CIBAR1: variants seen among roughly 807,000 people sequenced by gnomAD.
The protein encoded by CIBAR1 is CBY1-interacting BAR domain-containing protein 1.
Under a neutral mutation model 44.0 loss-of-function variants are expected in CIBAR1, and 25 were observed. The observed-to-expected ratio is 0.57, with a 90% CI of 0.41 to 0.79. The LOEUF (loss-of-function observed/expected upper bound fraction) is 0.79. Ranked by LOEUF, CIBAR1 falls within the 30% of genes least tolerant of loss-of-function variation. The probability of loss-of-function intolerance (pLI) is 0.00; values close to 1 mark genes in which losing one functional copy is unlikely to be tolerated. For missense variants in CIBAR1, 278 were observed against 344.8 expected, an observed-to-expected ratio of 0.81 and a Z score of 1.53; for synonymous variants, 115 against 119.0, an observed-to-expected ratio of 0.97 and a Z score of 0.22.
intron 2 of CIBAR1, among the ~76,000 whole-genome samples, chr8:93,703,022 G>A (rs889857027): frequency 3.9e-5 from 6 of 151,978 alleles, no homozygotes; most frequent in African/African-American, 1.5e-4. Flanking sequence ...AACCTGTAAC[G>A]TTTAAGAAAA....
At position 93,713,169 on chromosome 8, in the gene CIBAR1, A is replaced by G. The variant is rs193075414; in HGVS notation, c.543+3294A>G. Among the ~76,000 whole-genome samples, 1,009 of 151,202 alleles carry G rather than the reference A, an allele frequency of 6.7e-3. 5 individuals carry two copies. The highest frequency in any genetic ancestry group is 0.014 in the South Asian group (67 of 4,774). ...TGCCTCAGCCTCCCAAGTAGCTGGG[A>G]TTACAGGCATGCACCACCACACCCG... is the stretch of plus-strand genomic sequence containing the variant. On this transcript the variant is annotated intron_variant, in intron 6 of 8. Coordinates refer to ENST00000518322, the MANE Select transcript of CIBAR1 (RefSeq NM_145269.5).
rs527737472 is a variant in CIBAR1 at position 93,730,521 on chromosome 8, G to A, written c.*2224G>A. 2.6e-5 allele frequency: 4 copies of A among 152,290 alleles called. No homozygotes were observed. The highest frequency in any genetic ancestry group is 9.6e-5 in the African/African-American group (4 of 41,556). 9.4% of individuals were successfully genotyped at this position (152,290 alleles called of 1,614,324 possible). A position where few individuals can be genotyped will look rare whatever the true frequency, so the allele number is the denominator to read the frequency against. On this transcript the variant is annotated 3_prime_UTR_variant, in exon 9 of 9. Coordinates refer to ENST00000518322, the MANE Select transcript of CIBAR1 (RefSeq NM_145269.5). ...ATAGGAGAGGAAAAACTGGCTATGA[G>A]ACGACAATTACTGAAGCTGAGTGAT...
chr8:93,708,654 G>T (rs1810699402), intron 5 of CIBAR1, among the ~76,000 whole-genome samples: 1 of 152,098 alleles, frequency 6.6e-6, no homozygotes, highest in Admixed American at 6.5e-5. Context: ...AGTGTAACAT[G>T]GTTGTCTTGT....
chr8:93,709,720 GA>G (rs1447888351), intron 5 of CIBAR1, 50 bp from the exon 6 acceptor site: 5 of 1,489,790 alleles, frequency 3.4e-6, no homozygotes, highest in Admixed American at 1.8e-5. Flanking sequence ...TCAATTGAAT[GA>G]ATTCTCATTT....
At chr8:93,709,599 C>A in intron 5 of CIBAR1, 172 bp from the exon 6 acceptor site, 1 of 582,898 alleles carries the variant, frequency 1.7e-6, no homozygotes. Context: ...GTTCTTTATT[C>A]TGCATGTGCT....
intron 7 of CIBAR1, among the ~76,000 whole-genome samples, chr8:93,722,898 T>A (rs1811321405): frequency 6.6e-6 from 1 of 152,248 alleles, no homozygotes; most frequent in Admixed American, 6.5e-5. Context: ...GTTTTCCATT[T>A]CCCACTTTAA....
intron 5 of CIBAR1, among the ~76,000 whole-genome samples, chr8:93,708,259 C>G (rs1015291175): frequency 6.6e-6 from 1 of 151,896 alleles, no homozygotes; most frequent in Non-Finnish European, 1.5e-5. Flanking sequence ...GAATTTAATC[C>G]GAAAACTGGG....
rs1456356642 is a variant in CIBAR1 at position 93,731,464 on chromosome 8, T to TA, written c.*3168dup. The TA allele has an allele frequency of 2.6e-5, 4 of 152,224 alleles. No homozygotes were observed. The highest frequency in any genetic ancestry group is 6.5e-5 in the Admixed American group (1 of 15,284). The allele number at this position is 152,224 out of a possible 1,614,324, so 9.4% of individuals were successfully genotyped here. A position where few individuals can be genotyped will look rare whatever the true frequency, so the allele number is the denominator to read the frequency against. ...TCAATTTAACATTATCCTAGCTACT[T>TA]ACAAGCTTATACTTTAAAGAATCAT... On this transcript the variant is annotated 3_prime_UTR_variant, in exon 9 of 9. Coordinates refer to ENST00000518322, the MANE Select transcript of CIBAR1 (RefSeq NM_145269.5).
In CIBAR1 at chr8:93,728,093, A is replaced by AT. The variant is rs1811614078; in HGVS notation, c.778-105dup. 8.8e-5 allele frequency: 24 copies of AT among 273,258 alleles called. No homozygotes were observed. In the East Asian group the frequency reaches 1.9e-3, roughly 21 times the overall value. The allele number at this position is 273,258 out of a possible 1,614,324, so 16.9% of individuals were successfully genotyped here. The stretch of plus-strand genomic sequence containing the variant: ...CACTACTAAAAATTATGACATGGAC[A>AT]TTTTTTTGAAATATTTGTTGTGTGC... On this transcript the variant is annotated intron_variant, in intron 8 of 8. Coordinates refer to ENST00000518322, the MANE Select transcript of CIBAR1 (RefSeq NM_145269.5).
chr8:93,708,547 G>A (rs184941811), intron 5 of CIBAR1, among the ~76,000 whole-genome samples: 3 of 152,276 alleles, frequency 2.0e-5, no homozygotes, highest in African/African-American at 7.2e-5. Context: ...AACAGATCCA[G>A]ATAATATGAG....
chr8:93,725,566 A>G (rs984133066), intron 7 of CIBAR1, among the ~76,000 whole-genome samples: 1 of 152,150 alleles, frequency 6.6e-6, no homozygotes, highest in Non-Finnish European at 1.5e-5. Flanking sequence ...GATGAAGTCG[A>G]ATATTCAAGA....
At chr8:93,724,275 GTAGAGTCAA>G (rs1811386287) in intron 7 of CIBAR1, among the ~76,000 whole-genome samples, 1 of 152,170 alleles carries the variant, frequency 6.6e-6, no homozygotes, top group African/African-American at 2.4e-5. Context: ...TGAAGGGTAT[GTAGAGTCAA>G]TAAAAGAGAA....
intron 6 of CIBAR1, among the ~76,000 whole-genome samples, chr8:93,716,470 A>G (rs754815461): frequency 4.6e-5 from 7 of 152,000 alleles, no homozygotes; most frequent in Non-Finnish European, 1.0e-4. Flanking sequence ...GTATTTAGCG[A>G]TACATTCCTT....
At chr8:93,701,496 GC>G (rs1412342036) in intron 2 of CIBAR1, 38 bp downstream of exon 2, 7 of 1,559,652 alleles carry the variant, frequency 4.5e-6, no homozygotes, top group Admixed American at 1.8e-5. Flanking sequence ...TTATGAATGA[GC>G]CATGAAGTAG....
chr8:93,721,408 A>AT (rs1212614913), intron 7 of CIBAR1, among the ~76,000 whole-genome samples: 1 of 152,024 alleles, frequency 6.6e-6, no homozygotes, highest in Non-Finnish European at 1.5e-5. Context: ...GGTCCTAGAT[A>AT]TTTTTTTGTC....
chr8:93,711,188 T>C (rs757033290), intron 6 of CIBAR1, among the ~76,000 whole-genome samples: 2 of 152,232 alleles, frequency 1.3e-5, no homozygotes, highest in Non-Finnish European at 2.9e-5. Flanking sequence ...GGACCTCTTA[T>C]GACCATCTTA....
intron 4 of CIBAR1, chr8:93,707,128 G>T: frequency 3.5e-6 from 1 of 287,636 alleles, no homozygotes; most frequent in Non-Finnish European, 6.9e-6. Context: ...TTAATATACT[G>T]ATATCTGTAT....
chr8:93,724,939 AG>A (rs1811416632), intron 7 of CIBAR1, among the ~76,000 whole-genome samples: 1 of 152,186 alleles, frequency 6.6e-6, no homozygotes. Flanking sequence ...TCAGGGGATT[AG>A]TTGAAGGGTA....
Position 93,708,843 on chromosome 8 carries a change from T to C in CIBAR1, c.438+827T>C, listed in dbSNP as rs74749533. Among the ~76,000 whole-genome samples, 673 of 152,318 alleles carry C rather than the reference T, an allele frequency of 4.4e-3. 5 individuals are homozygous for C. Among genetic ancestry groups the C allele is most frequent in the African/African-American group, 0.015 (630 of 41,570 alleles). On this transcript the variant is annotated intron_variant, in intron 5 of 8. Coordinates refer to ENST00000518322, the MANE Select transcript of CIBAR1 (RefSeq NM_145269.5). ...TACCTGCTAACTCAAAATACCTCAATGTTGTAATGATTTCAAAAATCAAAC... is the reference window on the plus strand; with the variant it reads ...TACCTGCTAACTCAAAATACCTCAACGTTGTAATGATTTCAAAAATCAAAC...
Sources: gnomAD v4.1 joint callset for allele counts (sites outside exome capture counted in the v4.1 genomes callset) on GRCh38, gnomAD v4.1.1 for gene constraint, MANE v1.5 for transcripts, NCBI Gene and HGNC (gene_info 2026-07-23, HGNC 2026-07-21) for gene names.